The following SYNE1 variants were observed in gnomAD, a reference collection of about 807,000 sequenced individuals.
SYNE1 encodes the protein spectrin repeat containing nuclear envelope protein 1.
A neutral mutation model predicts 1,111.0 loss-of-function variants in SYNE1; 616 were observed. The observed-to-expected ratio is 0.55, with a 90% CI of 0.52 to 0.59. The LOEUF is 0.59. SYNE1 is among the 20% of genes least tolerant of loss of function. The pLI is 0.00. For synonymous variants in SYNE1, 3,855 were observed against 3,825.8 expected (o/e 1.01, Z -0.28); for missense variants, 10,006 against 10,417.0 (o/e 0.96, Z 1.72).
chr6:152,218,394 G>A lies in SYNE1; in HGVS notation c.22054C>T (p.Leu7352Phe), dbSNP rs1199232781. ...KQQTSLQAGV[L>F]DYETFAKSLE... ...CTCTTGGCAAAGGTTTCATAATCAA[G>A]AACTCCAGCCTTTTTTTCCACAAAA... is the stretch of plus-strand genomic sequence containing the variant. The change falls in exon 121 of 146, where the codon CTT becomes TTT. Residue 7352 changes from leucine (L) to phenylalanine (F), a missense_variant. Transcript: ENST00000367255. 1 of 1,611,814 alleles carries A rather than the reference G, an allele frequency of 6.2e-7. No homozygotes were observed. Among genetic ancestry groups the A allele is most frequent in the South Asian group, 1.1e-5 (1 of 90,992 alleles).
rs776017271 is a variant in SYNE1, at chr6:152,436,001, T to A, written c.4250A>T (p.Gln1417Leu). ...PLGPQNKQLLQQQAKSIKEQV... is the reference protein window; with the variant it reads ...PLGPQNKQLLLQQAKSIKEQV... ...TTCTTTGATTGACTTGGCCTGCTGT[T>A]GAAGCAGCTGCTTATTTTGGGGCCC... is the stretch of plus-strand genomic sequence containing the variant. The change falls in exon 33 of 146, where the codon CAA (glutamine) becomes CTA (leucine). Residue 1417 changes from glutamine (Q) to leucine (L), a missense_variant. Gln to Leu is a moderately radical substitution (Grantham distance 113). Around this residue, in one of 7 missense-constraint regions of SYNE1, gnomAD observed 1,971 missense variants for 2,084.1 expected, o/e 0.95. Coordinates refer to ENST00000367255, the MANE Select transcript of SYNE1 (RefSeq NM_182961.4). 1.9e-6 allele frequency: 3 copies of A among 1,614,070 alleles called. No individual in the cohort carries two copies. The African/African-American group carries it at 4.0e-5, about 22-fold the overall frequency.
chr6:152,234,554 A>G lies in SYNE1; in HGVS notation c.20529+114T>C, dbSNP rs925904659. The stretch of plus-strand genomic sequence containing the variant: ...GTGATCTGACTGCTTGGCCTCCCAA[A>G]GTGTGGGATTACAGGTGTGAGCCAC... On this transcript the variant is annotated intron_variant, in intron 111 of 145. Transcript: ENST00000367255. 4.0e-6 allele frequency: 5 copies of G among 1,250,364 alleles called. No homozygotes were observed. The African/African-American group carries it at 5.9e-5, about 15-fold the overall frequency. 77.5% of individuals were successfully genotyped at this position (1,250,364 alleles called of 1,614,324 possible). A position where few individuals can be genotyped will look rare whatever the true frequency, so the allele number is the denominator to read the frequency against.
intron 31 of SYNE1, 51 bp downstream of exon 31, chr6:152,442,024 G>A: frequency 6.2e-7 from 1 of 1,609,840 alleles, no homozygotes; most frequent in Non-Finnish European, 8.5e-7. Flanking sequence ...ACAACCGGAA[G>A]TGAACACTGC....
At position 152,149,568 on chromosome 6, in the gene SYNE1, A is replaced by G. The variant is rs1344598258; in HGVS notation, c.24551T>C (p.Ile8184Thr). 4 of 1,614,164 alleles carry G rather than the reference A, an allele frequency of 2.5e-6. No individual in the cohort carries two copies. Among genetic ancestry groups the G allele is most frequent in the Non-Finnish European group, 3.4e-6 (4 of 1,180,040 alleles). Residue 8184 changes from isoleucine (I) to threonine (T), a missense_variant, in exon 136 of 146, where the codon ATC becomes ACC. Ile to Thr is a moderately conservative substitution (Grantham distance 89). Transcript: ENST00000367255. ...GAGCTCATCTAGTTCCTCCTCGATG[A>G]TCGCTGCATCCAAGGGCTCACTCTT... ...IEKSEPLDAA[I>T]IEEELDELRR...
Position 152,224,957 on chromosome 6 carries a change from G to GTATATATATATATACATATA in SYNE1, c.21352-294_21352-293insTATATGTATATATATATATA, listed in dbSNP as rs1220700858. ...TATACATATGTATACACATATATAT[G>GTATATATATATATACATATA]TGTATATATATATACATATATGTAT... is the stretch of plus-strand genomic sequence containing the variant. On this transcript the variant is annotated intron_variant, in intron 116 of 145. Coordinates refer to ENST00000367255, the MANE Select transcript of SYNE1 (RefSeq NM_182961.4). Among the ~76,000 whole-genome samples the GTATATATATATATACATATA allele has an allele frequency of 4.7e-4, 67 of 143,086 alleles. No individual in the cohort carries two copies. The East Asian group carries it at 5.1e-3, about 11-fold the overall frequency. The allele number at this position is 143,086 out of a possible 152,430, so 93.9% of individuals were successfully genotyped here.
At position 152,463,418 on chromosome 6, in the gene SYNE1, C is replaced by G; in HGVS notation, c.2032G>C (p.Asp678His). The change falls in exon 19 of 146, where the codon GAC becomes CAC. Residue 678 changes from aspartate (D) to histidine (H), a missense_variant. Physicochemically the swap from Asp to His is moderately conservative, Grantham distance 81. This residue lies in a region of SYNE1 where 1,971 missense variants were observed against 2,084.1 expected (regional missense o/e 0.95). Coordinates refer to ENST00000367255, the MANE Select transcript of SYNE1 (RefSeq NM_182961.4). ...AGCAACAGTAATTGCTGCTTCAGGT[C>G]ACGGGAAACCATCTCATCACAGGTT... ...IETCDEMVSR[D>H]LKQQLLLLNG... The G allele has an allele frequency of 6.2e-7, 1 of 1,613,818 alleles. No individual in the cohort carries two copies. Among genetic ancestry groups the G allele is most frequent in the Non-Finnish European group, 8.5e-7 (1 of 1,179,802 alleles).
intron 41 of SYNE1, among the ~76,000 whole-genome samples, chr6:152,413,861 A>G (rs1004370739): frequency 6.6e-6 from 1 of 152,060 alleles, no homozygotes; most frequent in African/African-American, 2.4e-5. Flanking sequence ...CTAGGTAAAT[A>G]CTTATTGTAA....
In SYNE1 at chr6:152,321,632, T is replaced by G. The variant is rs939822020; in HGVS notation, c.16083+89A>C. 4 of 1,515,898 alleles carry G rather than the reference T, an allele frequency of 2.6e-6. No homozygotes were observed. In the African/African-American group the frequency reaches 5.5e-5, roughly 21 times the overall value. The allele number at this position is 1,515,898 out of a possible 1,614,324, so 93.9% of individuals were successfully genotyped here. ...CTTCTGAAATTTTTTAATTCAATAT[T>G]CAATAAATACAAACAAGTATGTTCA... is the stretch of plus-strand genomic sequence containing the variant. On this transcript the variant is annotated intron_variant, in intron 83 of 145. Transcript: ENST00000367255.
At chr6:152,567,322 A>G (rs1402468857) in intron 3 of SYNE1, among the ~76,000 whole-genome samples, 2 of 148,772 alleles carry the variant, frequency 1.3e-5, no homozygotes, top group Admixed American at 1.3e-4. Context: ...TAACCATTTT[A>G]ATCATTCTGT....
chr6:152,245,918 C>T (rs886210335), intron 105 of SYNE1, among the ~76,000 whole-genome samples: 4 of 152,152 alleles, frequency 2.6e-5, no homozygotes, highest in African/African-American at 9.7e-5. Flanking sequence ...CAGCTGTGAG[C>T]TTGAGTGCTT....
At chr6:152,534,630 G>C (rs1378848990) in intron 4 of SYNE1, among the ~76,000 whole-genome samples, 1 of 152,018 alleles carries the variant, frequency 6.6e-6, no homozygotes, top group Non-Finnish European at 1.5e-5. Flanking sequence ...AAATTATTTG[G>C]GGGGGTGAAT....
intron 128 of SYNE1, among the ~76,000 whole-genome samples, chr6:152,181,488 C>T (rs774223287): frequency 3.3e-5 from 5 of 152,156 alleles, no homozygotes; most frequent in Admixed American, 2.0e-4. Flanking sequence ...TCCTCACTTA[C>T]CTCCCAGTTC....
chr6:152,282,057 TC>T, intron 96 of SYNE1, 77 bp from the exon 97 acceptor site: 1 of 1,472,900 alleles, frequency 6.8e-7, no homozygotes, highest in Non-Finnish European at 9.4e-7. Flanking sequence ...AAGCAATGGT[TC>T]CAGGCCCTGG....
intron 3 of SYNE1, 43 bp from the exon 4 acceptor site, chr6:152,540,064 T>C (rs1221205398): frequency 6.3e-7 from 1 of 1,581,830 alleles, no homozygotes; most frequent in East Asian, 2.2e-5. Context: ...TAATATTTCA[T>C]GAAGCTGTAT....
chr6:152,498,917 G>A, intron 10 of SYNE1, 125 bp from the exon 11 acceptor site: 1 of 473,872 alleles, frequency 2.1e-6, no homozygotes, highest in East Asian at 3.5e-5. Context: ...TCATTTCAAG[G>A]GTATATTTAC....
intron 127 of SYNE1, among the ~76,000 whole-genome samples, chr6:152,195,180 C>T (rs117377328): frequency 0.035 from 5,288 of 152,294 alleles, 116 homozygotes; most frequent in Middle Eastern, 0.086. Context: ...CTCAGCCTCC[C>T]AGAATTCTGG....
chr6:152,234,066 GA>G, intron 111 of SYNE1, 103 bp from the exon 112 acceptor site: 1 of 1,222,880 alleles, frequency 8.2e-7, no homozygotes, highest in South Asian at 1.3e-5. Context: ...TTACATCCTG[GA>G]GGGGGTTATG....
At chr6:152,452,244 G>A (rs2098657176) in intron 25 of SYNE1, among the ~76,000 whole-genome samples, 1 of 152,106 alleles carries the variant, frequency 6.6e-6, no homozygotes, top group African/African-American at 2.4e-5. Flanking sequence ...ATACTAAGAT[G>A]ACTGATGAGA....
At chr6:152,630,058 A>G (rs1463405588) in intron 2 of SYNE1, among the ~76,000 whole-genome samples, 1 of 152,114 alleles carries the variant, frequency 6.6e-6, no homozygotes, top group East Asian at 1.9e-4. Context: ...CATTACTAAT[A>G]CTATTATATA....
Sources: allele counts gnomAD v4.1 joint callset (sites outside exome capture counted in the v4.1 genomes callset), GRCh38; gene constraint gnomAD v4.1.1; regional missense constraint gnomAD v4.1.1; transcripts MANE v1.5; gene names NCBI Gene and HGNC (gene_info 2026-07-23, HGNC 2026-07-21).